QSOX1: variants seen among roughly 807,000 people sequenced by gnomAD.
QSOX1 encodes quiescin sulfhydryl oxidase 1.
Under a neutral mutation model 76.1 loss-of-function variants are expected in QSOX1, and 40 were observed. The ratio of observed to expected loss-of-function variants is 0.53; its 90% CI spans 0.41 to 0.68. The LOEUF (loss-of-function observed/expected upper bound fraction) is 0.68. Among genes scored for constraint, QSOX1 ranks in the 30% least tolerant of loss-of-function variants. The pLI, the probability that QSOX1 is intolerant of heterozygous loss-of-function variation, is 0.00. For synonymous variants in QSOX1, 392 were observed against 413.1 expected (o/e 0.95, Z 0.62); for missense variants, 931 against 974.3 (o/e 0.96, Z 0.59).
chr1:180,155,457 A>T (rs531664218), intron 1 of QSOX1, among the ~76,000 whole-genome samples: 1 of 152,036 alleles, frequency 6.6e-6, no homozygotes. Flanking sequence ...CCGCCAGGTT[A>T]CTGCCTCCTT....
At chr1:180,191,330 G>A (rs752914272) in intron 10 of QSOX1, among the ~76,000 whole-genome samples, 45 of 152,350 alleles carry the variant, frequency 3.0e-4, no homozygotes, top group Non-Finnish European at 4.9e-4. Context: ...AAAGATGTGG[G>A]GTGAAGAGAG....
Position 180,200,574 on chromosome 1 carries a change from G to A in QSOX1, c.*3537G>A, listed in dbSNP as rs1376855089. ...GAAATGTGTATGCTGTTGGAGAATT[G>A]ATGTGTATGATTTATTGAACTTTGC... On this transcript the variant is annotated 3_prime_UTR_variant, in exon 12 of 12. Coordinates refer to ENST00000367602, the MANE Select transcript of QSOX1 (RefSeq NM_002826.5). 6.6e-6 allele frequency: 1 copy of A among 152,196 alleles called. No individual in the cohort carries two copies. Among genetic ancestry groups the A allele is most frequent in the African/African-American group, 2.4e-5 (1 of 41,428 alleles). The allele number at this position is 152,196 out of a possible 1,614,324, so 9.4% of individuals were successfully genotyped here. A position where few individuals can be genotyped will look rare whatever the true frequency, so the allele number is the denominator to read the frequency against.
At chr1:180,191,566 A>G (rs1454935550) in intron 10 of QSOX1, among the ~76,000 whole-genome samples, 1 of 152,262 alleles carries the variant, frequency 6.6e-6, no homozygotes, top group African/African-American at 2.4e-5. Flanking sequence ...ACACAGCAGC[A>G]TATGAGACAG....
chr1:180,197,100 C>CCATT lies in QSOX1; in HGVS notation c.*65_*68dup, dbSNP rs1663515061. The stretch of plus-strand genomic sequence containing the variant: ...TCTAGGCACCTCAAGCCCCCTGACC[C>CCATT]CATTCCCTCCCCTCCCACCCCTTGC... On this transcript the variant is annotated 3_prime_UTR_variant, in exon 12 of 12. Transcript: ENST00000367602. 2 of 1,514,342 alleles carry CCATT rather than the reference C, an allele frequency of 1.3e-6. 1 individual carries two copies. Among genetic ancestry groups the CCATT allele is most frequent in the South Asian group, 2.6e-5 (2 of 77,298 alleles). 93.8% of individuals were successfully genotyped at this position (1,514,342 alleles called of 1,614,324 possible).
intron 1 of QSOX1, among the ~76,000 whole-genome samples, chr1:180,156,985 G>A (rs189982192): frequency 6.6e-6 from 1 of 152,302 alleles, no homozygotes; most frequent in East Asian, 1.9e-4. Flanking sequence ...TGACTCACAT[G>A]TTTGGCCTCT....
intron 8 of QSOX1, 143 bp downstream of exon 8, chr1:180,186,325 C>T: frequency 6.0e-6 from 7 of 1,159,012 alleles, no homozygotes; most frequent in Admixed American, 2.7e-5. Context: ...TCTCCCTGTC[C>T]ACCATAGGTG....
chr1:180,194,176 T>A, intron 10 of QSOX1, 37 bp from the exon 11 acceptor site: 1 of 1,568,004 alleles, frequency 6.4e-7, no homozygotes, highest in Non-Finnish European at 8.7e-7. Context: ...GCTGGCAGCC[T>A]GAAGGGCTGG....
chr1:180,175,731 G>T (rs140637792), intron 3 of QSOX1, among the ~76,000 whole-genome samples, 200 bp from the exon 4 acceptor site: 26 of 152,264 alleles, frequency 1.7e-4, no homozygotes, highest in African/African-American at 6.0e-4. Context: ...TGAGGGATGG[G>T]TGTCCTTGCA....
chr1:180,197,079 G>A lies in QSOX1; in HGVS notation c.*42G>A, dbSNP rs1188616378. 4 of 1,565,458 alleles carry A rather than the reference G, an allele frequency of 2.6e-6. No individual in the cohort carries two copies. The highest frequency in any genetic ancestry group is 3.5e-6 in the Non-Finnish European group (4 of 1,155,682). Reference sequence around the variant, plus strand: ...GCGGGAGAGGGAGCTGCCATCTCTAGGCACCTCAAGCCCCCTGACCCCATT... The same window carrying A: ...GCGGGAGAGGGAGCTGCCATCTCTAAGCACCTCAAGCCCCCTGACCCCATT... On this transcript the variant is annotated 3_prime_UTR_variant, in exon 12 of 12. Coordinates refer to ENST00000367602, the MANE Select transcript of QSOX1 (RefSeq NM_002826.5).
At chr1:180,178,758 G>T in intron 4 of QSOX1, 36 bp from the exon 5 acceptor site, 1 of 1,585,106 alleles carries the variant, frequency 6.3e-7, no homozygotes, top group South Asian at 1.1e-5. Context: ...ATTTCTGCTG[G>T]CTGTGCAGAG....
intron 7 of QSOX1, 139 bp downstream of exon 7, chr1:180,184,189 C>A (rs867656250): frequency 2.5e-6 from 3 of 1,185,560 alleles, no homozygotes; most frequent in South Asian, 1.5e-5. Context: ...GGCTGTCCCC[C>A]ACCCTGGGGT....
At chr1:180,156,574 C>T (rs1295590017) in intron 1 of QSOX1, among the ~76,000 whole-genome samples, 1 of 152,230 alleles carries the variant, frequency 6.6e-6, no homozygotes, top group Non-Finnish European at 1.5e-5. Context: ...CGAGATGGAA[C>T]CATGTGTACA....
At chr1:180,184,557 A>C (rs1215434087) in intron 7 of QSOX1, among the ~76,000 whole-genome samples, 2 of 152,210 alleles carry the variant, frequency 1.3e-5, no homozygotes, top group Admixed American at 6.5e-5. Flanking sequence ...CAGTGAGTTC[A>C]CTGCCTTTTC....
In QSOX1 at chr1:180,184,049, C is replaced by T. The variant is rs146785605; in HGVS notation, c.886C>T (p.Arg296Cys). The T allele has an allele frequency of 2.6e-5, 42 of 1,614,004 alleles. 1 individual carries two copies. The highest frequency in any genetic ancestry group is 3.3e-4 in the Middle Eastern group (2 of 6,082). ...TCCCACTGTTTGGAAATTGGCAGAT[C>T]GGTAAGGCTACGCCTGGTTCTCCTC... Reference protein sequence around the residue: ...IAPTVWKLADRSKIYMADLES... With the variant: ...IAPTVWKLADCSKIYMADLES... The change falls in exon 7 of 12, where the codon CGC becomes TGC. Residue 296 changes from arginine (R) to cysteine (C), a missense_variant and splice_region_variant. Coordinates refer to ENST00000367602, the MANE Select transcript of QSOX1 (RefSeq NM_002826.5).
chr1:180,169,469 A>T (rs1662713241), intron 2 of QSOX1, among the ~76,000 whole-genome samples: 1 of 152,178 alleles, frequency 6.6e-6, no homozygotes, highest in Admixed American at 6.5e-5. Context: ...TTGGAAAGTC[A>T]CTTATCAGTG....
At position 180,154,932 on chromosome 1, in the gene QSOX1, G is replaced by T. The variant is rs1385964622; in HGVS notation, c.25G>T (p.Gly9Trp). The change falls in exon 1 of 12, where the codon GGG (glycine) becomes TGG (tryptophan). Residue 9 changes from glycine (G) to tryptophan (W), a missense_variant. Transcript: ENST00000367602. Reference sequence around the variant, plus strand: ...GATGAGGAGGTGCAACAGCGGCTCCGGGCCGCCGCCGTCGCTGCTGCTGCT... The same window carrying T: ...GATGAGGAGGTGCAACAGCGGCTCCTGGCCGCCGCCGTCGCTGCTGCTGCT... Reference protein sequence around the residue: MRRCNSGSGPPPSLLLLLL... With the variant: MRRCNSGSWPPPSLLLLLL... The T allele has an allele frequency of 6.8e-7, 1 of 1,475,902 alleles. No individual in the cohort carries two copies. Among genetic ancestry groups the T allele is most frequent in the Admixed American group, 2.3e-5 (1 of 42,584 alleles). The allele number at this position is 1,475,902 out of a possible 1,614,324, so 91.4% of individuals were successfully genotyped here. A position where few individuals can be genotyped will look rare whatever the true frequency, so the allele number is the denominator to read the frequency against.
chr1:180,157,184 G>T (rs1662393936), intron 1 of QSOX1, among the ~76,000 whole-genome samples: 1 of 152,222 alleles, frequency 6.6e-6, no homozygotes, highest in Non-Finnish European at 1.5e-5. Context: ...GTGGGGGTGA[G>T]CCAGGGTAAA....
chr1:180,172,734 G>A (rs553090153), intron 2 of QSOX1, among the ~76,000 whole-genome samples: 2 of 152,148 alleles, frequency 1.3e-5, no homozygotes, highest in South Asian at 4.1e-4. Context: ...GGCCAGGCTG[G>A]TCTCAAACTC....
intron 1 of QSOX1, among the ~76,000 whole-genome samples, chr1:180,164,354 ACT>A (rs1421160868): frequency 2.0e-4 from 31 of 152,068 alleles, no homozygotes; most frequent in African/African-American, 7.2e-4. Flanking sequence ...AGCTCACCTC[ACT>A]CTGCTAAATA....
Sources: allele counts gnomAD v4.1 joint callset (sites outside exome capture counted in the v4.1 genomes callset), GRCh38; gene constraint gnomAD v4.1.1; transcripts MANE v1.5; gene names NCBI Gene and HGNC (gene_info 2026-07-23, HGNC 2026-07-21).